The following ABCB1 variants were observed in gnomAD, a reference collection of about 807,000 sequenced individuals.
The protein encoded by ABCB1 is ATP binding cassette subfamily B member 1.
Under a neutral mutation model 142.0 loss-of-function variants are expected in ABCB1, and 69 were observed. The ratio of observed to expected loss-of-function variants is 0.49; its 90% CI spans 0.40 to 0.59. The LOEUF (loss-of-function observed/expected upper bound fraction) is 0.59, where lower values mean the gene tolerates loss of function less well. ABCB1 is among the 20% of genes least tolerant of loss of function. The pLI is 0.00. For synonymous variants in ABCB1, 532 were observed against 539.2 expected, an observed-to-expected ratio of 0.99 and a Z score of 0.18; for missense variants, 1,326 against 1,554.7, an observed-to-expected ratio of 0.85 and a Z score of 2.47.
intron 1 of ABCB1, among the ~76,000 whole-genome samples, chr7:87,610,497 C>A (rs548998770): frequency 6.8e-6 from 1 of 146,238 alleles, no homozygotes; most frequent in East Asian, 2.0e-4. Flanking sequence ...GTTCATCCTG[C>A]TTCAGGCTCC....
intron 3 of ABCB1, among the ~76,000 whole-genome samples, chr7:87,586,020 G>T (rs1224286290): frequency 6.6e-6 from 1 of 152,160 alleles, no homozygotes; most frequent in Non-Finnish European, 1.5e-5. Flanking sequence ...AAGAATAGAA[G>T]CCACTTATCA....
chr7:87,653,994 A>T (rs1039343618), intron 1 of ABCB1, among the ~76,000 whole-genome samples: 1 of 152,060 alleles, frequency 6.6e-6, no homozygotes, highest in African/African-American at 2.4e-5. Flanking sequence ...CTTATATTTT[A>T]TTTCTCTAAG....
In ABCB1 at chr7:87,629,052, GC is replaced by G. The variant is rs1230882880; in HGVS notation, c.-330-27975del. 4.8e-5 allele frequency: 52 copies of G among 1,084,602 alleles called. 2 individuals carry two copies. In the South Asian group the frequency reaches 2.2e-3, roughly 47 times the overall value. 67.2% of individuals were successfully genotyped at this position (1,084,602 alleles called of 1,614,324 possible). On this transcript the variant is annotated intron_variant, in intron 1 of 28. Coordinates refer to the ABCB1 transcript ENST00000265724. ...CGGGCATGATGGGCTGCCGCCCAGT[GC>G]CCCCGCCTATGTTGCGCCAGCCAAA...
Position 87,569,101 on chromosome 7 carries a change from G to A in ABCB1, c.338+1071C>T, listed in dbSNP as rs893953494. Among the ~76,000 whole-genome samples the A allele has an allele frequency of 2.0e-5, 3 of 152,136 alleles. No homozygotes were observed. In the East Asian group the frequency reaches 5.8e-4, roughly 29 times the overall value. On this transcript the variant is annotated intron_variant, in intron 5 of 27. Coordinates refer to ENST00000622132, the MANE Select transcript of ABCB1 (RefSeq NM_001348946.2). ...TAATCCCAGCACTTTGGAAGGCCAA[G>A]GTGGGTGGATCACCTGAGGTCAGAA... is the stretch of plus-strand genomic sequence containing the variant.
chr7:87,676,342 G>A (rs1826352281), intron 1 of ABCB1, among the ~76,000 whole-genome samples: 1 of 152,082 alleles, frequency 6.6e-6, no homozygotes, highest in South Asian at 2.1e-4. Context: ...ATCCAATAAG[G>A]TGTTAATATC....
At chr7:87,682,561 T>C (rs1158064235) in intron 1 of ABCB1, among the ~76,000 whole-genome samples, 8 of 152,340 alleles carry the variant, frequency 5.3e-5, no homozygotes, top group Admixed American at 4.6e-4. Context: ...GGTACATCTC[T>C]GTCATAGTTC....
chr7:87,625,596 T>C (rs1348955358), intron 1 of ABCB1, among the ~76,000 whole-genome samples: 1 of 152,220 alleles, frequency 6.6e-6, no homozygotes, highest in Non-Finnish European at 1.5e-5. Flanking sequence ...TCAATTTGAG[T>C]AGTATTTGTC....
intron 13 of ABCB1, among the ~76,000 whole-genome samples, 162 bp downstream of exon 13, chr7:87,549,689 G>A (rs750272040): frequency 1.3e-5 from 2 of 152,086 alleles, no homozygotes; most frequent in Admixed American, 6.6e-5. Context: ...ATGTATCTAC[G>A]ACCAGTTGAT....
intron 21 of ABCB1, 75 bp from the exon 22 acceptor site, chr7:87,520,951 A>T: frequency 1.9e-6 from 2 of 1,079,076 alleles, no homozygotes; most frequent in Non-Finnish European, 2.8e-6. Context: ...TATAAAACAG[A>T]CTAATGAAAA....
intron 3 of ABCB1, among the ~76,000 whole-genome samples, chr7:87,593,328 GT>G (rs1433944771): frequency 6.6e-6 from 1 of 152,156 alleles, no homozygotes; most frequent in Non-Finnish European, 1.5e-5. Flanking sequence ...CTACTTTTGT[GT>G]TTCTGTAAAT....
At chr7:87,623,874 C>T (rs946080215) in intron 1 of ABCB1, among the ~76,000 whole-genome samples, 1 of 152,096 alleles carries the variant, frequency 6.6e-6, no homozygotes, top group Non-Finnish European at 1.5e-5. Context: ...ACCAATGTCC[C>T]TCTGTTCAAT....
At chr7:87,682,426 A>C (rs921804986) in intron 1 of ABCB1, among the ~76,000 whole-genome samples, 5 of 152,204 alleles carry the variant, frequency 3.3e-5, no homozygotes, top group African/African-American at 1.2e-4. Flanking sequence ...CTCATTGTCT[A>C]TGGAGGCTAG....
At position 87,509,547 on chromosome 7, in the gene ABCB1, C is replaced by T. The variant is rs1584829872; in HGVS notation, c.3283-66G>A. Reference sequence around the variant, plus strand: ...ACTTTGAATGTAGCACAATTAACATCATTATTTCTTACACTGAAACTGCCA... The same window carrying T: ...ACTTTGAATGTAGCACAATTAACATTATTATTTCTTACACTGAAACTGCCA... On this transcript the variant is annotated intron_variant, in intron 25 of 27. Coordinates refer to ENST00000622132, the MANE Select transcript of ABCB1 (RefSeq NM_001348946.2). 6.6e-7 allele frequency: 1 copy of T among 1,517,028 alleles called. No homozygotes were observed. Among genetic ancestry groups the T allele is most frequent in the Non-Finnish European group, 9.1e-7 (1 of 1,098,802 alleles). 94.0% of individuals were successfully genotyped at this position (1,517,028 alleles called of 1,614,324 possible).
chr7:87,549,384 T>G lies in ABCB1; in HGVS notation c.1689A>C (p.Thr563=). ...CCACCTGAACCACTGCTTCGCTTTCTGTGTCCAAGGCTGACGTGGCCTCAT... is the reference window on the plus strand; with the variant it reads ...CCACCTGAACCACTGCTTCGCTTTCGGTGTCCAAGGCTGACGTGGCCTCAT... ...LLDEATSALD[T]ESEAVVQVAL... Residue 563 remains threonine, a synonymous_variant, in exon 14 of 28, where the codon ACA becomes ACC. Coordinates refer to ENST00000622132, the MANE Select transcript of ABCB1 (RefSeq NM_001348946.2). 1 of 1,614,220 alleles carries G rather than the reference T, an allele frequency of 6.2e-7. No individual in the cohort carries two copies. The highest frequency in any genetic ancestry group is 8.5e-7 in the Non-Finnish European group (1 of 1,180,036).
rs1438665550 is a variant in ABCB1 at position 87,626,275 on chromosome 7, A to G, written c.-330-25197T>C. On this transcript the variant is annotated intron_variant, in intron 1 of 28. Transcript: ENST00000265724. ...CATATATATGTGTCATATATGTGTC[A>G]TATATATGTGTCATATATGTGTCAT... 1.7e-3 allele frequency among the ~76,000 whole-genome samples: 107 copies of G among 63,750 alleles called. 11 individuals carry two copies. Among genetic ancestry groups the G allele is most frequent in the Admixed American group, 2.9e-3 (15 of 5,192 alleles). The allele number at this position is 63,750 out of a possible 152,430, so 41.8% of individuals were successfully genotyped here. A position where few individuals can be genotyped will look rare whatever the true frequency, so the allele number is the denominator to read the frequency against.
At chr7:87,677,553 G>T (rs1189471322) in intron 1 of ABCB1, among the ~76,000 whole-genome samples, 1 of 151,886 alleles carries the variant, frequency 6.6e-6, no homozygotes, top group East Asian at 1.9e-4. Flanking sequence ...TTGGTCAAAG[G>T]GTACAAGCCT....
chr7:87,516,610 C>G lies in ABCB1; in HGVS notation c.2983G>C (p.Ala995Pro). The G allele has an allele frequency of 6.2e-7, 1 of 1,613,894 alleles. No individual in the cohort carries two copies. Among genetic ancestry groups the G allele is most frequent in the Non-Finnish European group, 8.5e-7 (1 of 1,179,996 alleles). ...AMAVGQVSSFAPDYAKAKISA... is the reference protein window; with the variant it reads ...AMAVGQVSSFPPDYAKAKISA... ...ATTTTGGCTTTGGCATAGTCAGGAG[C>G]AAATGAACTGACTTGCCCCACGGCC... The change falls in exon 24 of 28, where the codon GCT becomes CCT. Residue 995 changes from alanine to proline, a missense_variant. Physicochemically the swap from Ala to Pro is conservative, Grantham distance 27 (BLOSUM62 -1). Transcript: ENST00000622132.
intron 1 of ABCB1, among the ~76,000 whole-genome samples, chr7:87,704,186 G>T (rs533887150): frequency 4.6e-5 from 7 of 152,044 alleles, no homozygotes; most frequent in Admixed American, 3.3e-4. Flanking sequence ...CTCGCAAAGT[G>T]CTGGGATTAT....
At position 87,550,727 on chromosome 7, in the gene ABCB1, T is replaced by C; in HGVS notation, c.1111A>G (p.Asn371Asp). The C allele has an allele frequency of 6.2e-7, 1 of 1,608,154 alleles. No homozygotes were observed. The change falls in exon 10 of 28, where the codon AAT (asparagine) becomes GAT (aspartate). Residue 371 changes from asparagine (N) to aspartate (D), a missense_variant and splice_region_variant. Coordinates refer to ENST00000622132, the MANE Select transcript of ABCB1 (RefSeq NM_001348946.2). ...AAYEIFKIIDNKPSIDSYSKS... is the reference protein window; with the variant it reads ...AAYEIFKIIDDKPSIDSYSKS... ...ATAGATGGCCAACTCAGACTTACATTATCAATTATCTTGAAGATTTCATAA... is the reference window on the plus strand; with the variant it reads ...ATAGATGGCCAACTCAGACTTACATCATCAATTATCTTGAAGATTTCATAA...
Sources: gnomAD v4.1 joint callset for allele counts (sites outside exome capture counted in the v4.1 genomes callset) on GRCh38, gnomAD v4.1.1 for gene constraint, MANE v1.5 for transcripts, NCBI Gene and HGNC (gene_info 2026-07-23, HGNC 2026-07-21) for gene names.